Variants in SPON1 observed in about 807,000 individuals in gnomAD.
SPON1 encodes spondin 1, also known as spondin-1.
A neutral mutation model predicts 111.7 loss-of-function variants in SPON1; 52 were observed. The ratio of observed to expected loss-of-function variants is 0.47; its 90% CI spans 0.37 to 0.59. The LOEUF is 0.59. Among genes scored for constraint, SPON1 ranks in the 20% least tolerant of loss-of-function variants. The pLI is 0.00. For synonymous variants in SPON1, 410 were observed against 395.8 expected, an observed-to-expected ratio of 1.04 and a Z score of -0.43; for missense variants, 957 against 1,068.5, an observed-to-expected ratio of 0.90 and a Z score of 1.46.
Position 14,135,374 on chromosome 11 carries a change from TC to T in SPON1, c.677-45del, listed in dbSNP as rs781812283. ...CCCCATCATTTAAGGGACTCGTGTT[TC>T]AGCCACAGCCATGCTGATAACTGCC... On this transcript the variant is annotated intron_variant, in intron 5 of 15. Transcript: ENST00000576479. The surrounding 1 kb of genome is among the most constrained non-coding windows in gnomAD (Gnocchi z 4.4). 1.9e-6 allele frequency: 3 copies of T among 1,582,608 alleles called. No homozygotes were observed. Among genetic ancestry groups the T allele is most frequent in the Non-Finnish European group, 2.6e-6 (3 of 1,160,128 alleles).
chr11:14,197,005 G>T (rs116586902), intron 6 of SPON1, among the ~76,000 whole-genome samples: 2,682 of 152,222 alleles, frequency 0.018, 92 homozygotes, highest in African/African-American at 0.061. Context: ...AACAGAGATG[G>T]CACCACTGCA....
intron 4 of SPON1, among the ~76,000 whole-genome samples, chr11:14,076,981 T>G (rs1187931904): frequency 6.6e-6 from 1 of 152,224 alleles, no homozygotes; most frequent in Non-Finnish European, 1.5e-5. Flanking sequence ...CTCCACTTAT[T>G]AAGCTCTTGG....
At chr11:14,059,549 A>C (rs1370664911) in intron 3 of SPON1, among the ~76,000 whole-genome samples, 1 of 152,056 alleles carries the variant, frequency 6.6e-6, no homozygotes, top group African/African-American at 2.4e-5. Flanking sequence ...CTGGGGAGGA[A>C]AGGAGAAAAA....
At chr11:14,042,826 A>G (rs1848642190) in intron 3 of SPON1, among the ~76,000 whole-genome samples, 1 of 152,198 alleles carries the variant, frequency 6.6e-6, no homozygotes, top group Admixed American at 6.5e-5. Flanking sequence ...TGCTTGGCTT[A>G]TGGAAAAAAC....
At chr11:13,997,597 T>A (rs1159865810) in intron 2 of SPON1, among the ~76,000 whole-genome samples, 1 of 152,194 alleles carries the variant, frequency 6.6e-6, no homozygotes, top group Admixed American at 6.5e-5. Flanking sequence ...CTCTGTAGAT[T>A]TGGGCATTTG....
At chr11:14,139,566 T>A (rs1223684913) in intron 6 of SPON1, among the ~76,000 whole-genome samples, 1 of 152,192 alleles carries the variant, frequency 6.6e-6, no homozygotes, top group Non-Finnish European at 1.5e-5. Context: ...TTATAAATAT[T>A]TATTGAACTT....
chr11:14,253,601 A>G (rs1454603226), intron 7 of SPON1, among the ~76,000 whole-genome samples: 1 of 152,238 alleles, frequency 6.6e-6, no homozygotes, highest in Non-Finnish European at 1.5e-5. Context: ...AGGGACTTCC[A>G]GACAGCTGAG....
intron 3 of SPON1, among the ~76,000 whole-genome samples, chr11:14,042,090 T>C (rs926764925): frequency 6.6e-6 from 1 of 152,072 alleles, no homozygotes. Context: ...GATGCTATCT[T>C]CTTCTTTGCC....
chr11:14,266,664 A>G lies in SPON1; in HGVS notation c.*977A>G, dbSNP rs774495879. The G allele has an allele frequency of 1.3e-5, 2 of 152,208 alleles. No individual in the cohort carries two copies. The highest frequency in any genetic ancestry group is 2.4e-5 in the African/African-American group (1 of 41,450). The allele number at this position is 152,208 out of a possible 1,614,324, so 9.4% of individuals were successfully genotyped here. A position where few individuals can be genotyped will look rare whatever the true frequency, so the allele number is the denominator to read the frequency against. On this transcript the variant is annotated 3_prime_UTR_variant, in exon 16 of 16. Coordinates refer to ENST00000576479, the MANE Select transcript of SPON1 (RefSeq NM_006108.4). ...GCTAAGTCTGCCCAAAGCCCCCCCA[A>G]TGCATTCCTTCAACAAAATACAATC... is the stretch of plus-strand genomic sequence containing the variant.
chr11:14,120,394 G>A (rs559674017), intron 5 of SPON1, among the ~76,000 whole-genome samples: 1 of 151,968 alleles, frequency 6.6e-6, no homozygotes. Context: ...TCTCCAAACA[G>A]GGATGTTGCT....
chr11:14,136,461 A>C (rs1465552894), intron 6 of SPON1, among the ~76,000 whole-genome samples: 1 of 152,196 alleles, frequency 6.6e-6, no homozygotes, highest in Non-Finnish European at 1.5e-5. Context: ...CATCTCCTGA[A>C]ACAATGCAGG....
intron 3 of SPON1, among the ~76,000 whole-genome samples, chr11:14,056,453 CTGT>C (rs1216119056): frequency 6.6e-6 from 1 of 151,224 alleles, no homozygotes; most frequent in Non-Finnish European, 1.5e-5. Flanking sequence ...GCTTCAAAAA[CTGT>C]TTAGTCACAC....
chr11:13,977,422 T>C (rs1305177133), intron 1 of SPON1, among the ~76,000 whole-genome samples: 2 of 152,250 alleles, frequency 1.3e-5, no homozygotes, highest in African/African-American at 4.8e-5. Flanking sequence ...TATTTCCCTA[T>C]TGACTACTGA....
chr11:14,095,026 G>A (rs1405450652), intron 5 of SPON1, among the ~76,000 whole-genome samples: 1 of 152,204 alleles, frequency 6.6e-6, no homozygotes, highest in African/African-American at 2.4e-5. Flanking sequence ...TGACAAGCTA[G>A]GTTTCTGGCT....
chr11:14,084,294 C>T (rs1382495422), intron 5 of SPON1, among the ~76,000 whole-genome samples: 1 of 152,104 alleles, frequency 6.6e-6, no homozygotes, highest in African/African-American at 2.4e-5. Flanking sequence ...GCTCTCCCTC[C>T]CCTTGCCCTG....
intron 6 of SPON1, among the ~76,000 whole-genome samples, chr11:14,141,029 C>CA (rs1554928725): frequency 7.6e-6 from 1 of 132,270 alleles, no homozygotes; most frequent in Non-Finnish European, 1.6e-5. Context: ...GTGCCCCCCC[C>CA]ATGCCCCACT....
intron 6 of SPON1, among the ~76,000 whole-genome samples, chr11:14,200,229 G>A (rs1275980741): frequency 6.6e-6 from 1 of 152,100 alleles, no homozygotes; most frequent in Non-Finnish European, 1.5e-5. Flanking sequence ...CTTGTCTTGT[G>A]TGCTAGGGAA....
At chr11:14,110,460 T>C (rs1265451681) in intron 5 of SPON1, among the ~76,000 whole-genome samples, 2 of 152,174 alleles carry the variant, frequency 1.3e-5, no homozygotes, top group Non-Finnish European at 2.9e-5. Flanking sequence ...GATATATGTA[T>C]ATAAAAGGGA....
intron 5 of SPON1, among the ~76,000 whole-genome samples, chr11:14,095,126 G>C (rs1325526292): frequency 6.6e-6 from 1 of 152,010 alleles, no homozygotes; most frequent in Non-Finnish European, 1.5e-5. Flanking sequence ...ATTTCATCAG[G>C]CTCTGAAAAG....
Sources: allele counts gnomAD v4.1 joint callset (sites outside exome capture counted in the v4.1 genomes callset), GRCh38; gene constraint gnomAD v4.1.1; non-coding constraint Gnocchi (gnomAD v3.1); transcripts MANE v1.5; gene names NCBI Gene and HGNC (gene_info 2026-07-23, HGNC 2026-07-21).